The following ANKS3 variants were observed in gnomAD, a reference collection of about 807,000 sequenced individuals.
ANKS3 encodes ankyrin repeat and SAM domain-containing protein 3.
Under a neutral mutation model 80.7 loss-of-function variants are expected in ANKS3, and 62 were observed. The ratio of observed to expected loss-of-function variants is 0.77; its 90% CI spans 0.63 to 0.95. The LOEUF (loss-of-function observed/expected upper bound fraction) is 0.95, where lower values mean the gene tolerates loss of function less well. ANKS3 is among the 40% of genes least tolerant of loss of function. The pLI is 0.00. For missense variants in ANKS3, 1,150 were observed against 883.6 expected, an observed-to-expected ratio of 1.30 and a Z score of -3.82; for synonymous variants, 489 against 355.3, an observed-to-expected ratio of 1.38 and a Z score of -4.23.
intron 6 of ANKS3, 84 bp downstream of exon 6, chr16:4,724,666 A>C (rs1421066776): frequency 3.7e-6 from 5 of 1,335,782 alleles, no homozygotes; most frequent in African/African-American, 1.5e-5. Flanking sequence ...GTGCAAAGGA[A>C]AATTCTGTAA....
chr16:4,733,445 C>G (rs1180127861), intron 1 of ANKS3, among the ~76,000 whole-genome samples: 1 of 151,910 alleles, frequency 6.6e-6, no homozygotes, highest in Non-Finnish European at 1.5e-5. Context: ...GTATGAGCCA[C>G]CATGCCAGCC....
At chr16:4,701,210 C>A (rs979523062) in intron 10 of ANKS3, 76 bp from the exon 11 acceptor site, 2 of 1,598,014 alleles carry the variant, frequency 1.3e-6, no homozygotes, top group South Asian at 1.1e-5. Flanking sequence ...ACCCGCCACA[C>A]AGGGGCTTGA....
intron 9 of ANKS3, 56 bp downstream of exon 9, chr16:4,702,046 A>C: frequency 6.6e-7 from 1 of 1,515,994 alleles, no homozygotes; most frequent in South Asian, 1.3e-5. Flanking sequence ...GGATGGGCAC[A>C]CAGGAGCTCC....
At chr16:4,724,022 T>C (rs1474345270) in intron 6 of ANKS3, among the ~76,000 whole-genome samples, 1 of 152,152 alleles carries the variant, frequency 6.6e-6, no homozygotes, top group Admixed American at 6.5e-5. Context: ...ATCTCGCCAC[T>C]GAACTCCAGC....
At chr16:4,722,833 G>A (rs1274638758) in intron 6 of ANKS3, among the ~76,000 whole-genome samples, 2 of 150,228 alleles carry the variant, frequency 1.3e-5, no homozygotes, top group Admixed American at 6.7e-5. Context: ...CAGAAGAACT[G>A]CTTGAACTTG....
rs1282931829 is a variant in ANKS3 at position 4,697,117 on chromosome 16, G to A, written c.1895-13C>T. 12 of 1,612,548 alleles carry A rather than the reference G, an allele frequency of 7.4e-6. No individual in the cohort carries two copies. The highest frequency in any genetic ancestry group is 2.2e-5 in the South Asian group (2 of 90,844). ...CACAGTGCTTGCCCTGAGGAATGATGACCTTGAGCCTCTCCCGGCCAGGCT... is the reference window on the plus strand; with the variant it reads ...CACAGTGCTTGCCCTGAGGAATGATAACCTTGAGCCTCTCCCGGCCAGGCT... On this transcript the variant is annotated splice_polypyrimidine_tract_variant and intron_variant, in intron 16 of 17. Transcript: ENST00000304283.
chr16:4,726,711 G>A lies in ANKS3; in HGVS notation c.439C>T (p.His147Tyr), dbSNP rs1057519332. ...AAGAGGAACCTGACCATGTGCTGGT[G>A]CCCGGCGCTGGTACAGTGGAAGAGG... ...TALFHCTSAG[H>Y]QHMVRFLLDS... Residue 147 changes from histidine to tyrosine, a missense_variant, in exon 5 of 18, where the codon CAC (histidine) becomes TAC (tyrosine). Coordinates refer to ENST00000304283, the MANE Select transcript of ANKS3 (RefSeq NM_133450.4). The A allele has an allele frequency of 1.9e-6, 3 of 1,614,106 alleles. No homozygotes were observed. The highest frequency in any genetic ancestry group is 1.7e-5 in the Admixed American group (1 of 60,012).
intron 7 of ANKS3, among the ~76,000 whole-genome samples, chr16:4,708,700 C>T (rs966063612): frequency 6.6e-6 from 1 of 151,832 alleles, no homozygotes; most frequent in Non-Finnish European, 1.5e-5. Flanking sequence ...TTTGGGAGGC[C>T]GAGGTGGGCA....
chr16:4,710,475 A>T (rs187458419), intron 7 of ANKS3, among the ~76,000 whole-genome samples: 51 of 152,314 alleles, frequency 3.3e-4, no homozygotes, highest in African/African-American at 1.2e-3. Flanking sequence ...TGGGAGGCTG[A>T]GGCGGGTGGA....
chr16:4,698,707 T>C, intron 13 of ANKS3, 93 bp downstream of exon 13: 1 of 1,539,490 alleles, frequency 6.5e-7, no homozygotes, highest in Non-Finnish European at 8.7e-7. Flanking sequence ...TGCATCCACC[T>C]GACCCCTCCA....
At chr16:4,697,136 C>G (rs1440681880) in intron 16 of ANKS3, 32 bp from the exon 17 acceptor site, 3 of 1,606,648 alleles carry the variant, frequency 1.9e-6, no homozygotes, top group East Asian at 2.2e-5. Flanking sequence ...CCTCTCCCGG[C>G]CAGGCTCAGG....
In ANKS3 at chr16:4,698,839, C is replaced by T; in HGVS notation, c.1512G>A (p.Leu504=). ...TGGCGAGCTCCTGCATCTCAGCCTC[C>T]AGCCGGTCGGCGTAGGCCAGCTCCA... The part of the protein sequence containing the change: ...DALELAYADR[L]EAEMQELAIQ... Residue 504 remains leucine (L), a synonymous_variant, in exon 13 of 18, where the codon CTG becomes CTA. Transcript: ENST00000304283. 5 of 1,608,074 alleles carry T rather than the reference C, an allele frequency of 3.1e-6. No individual in the cohort carries two copies. The highest frequency in any genetic ancestry group is 1.1e-5 in the South Asian group (1 of 90,204).
chr16:4,700,726 A>T (rs2079851202), intron 11 of ANKS3: 2 of 663,544 alleles, frequency 3.0e-6, no homozygotes, highest in Admixed American at 2.2e-5. Flanking sequence ...CAGGGAGGCC[A>T]ACTCCAGTAT....
At chr16:4,733,913 C>G in intron 1 of ANKS3, 25 bp downstream of exon 1, 1 of 985,458 alleles carries the variant, frequency 1.0e-6, no homozygotes, top group Non-Finnish European at 1.2e-6. Context: ...GGGGCGGGTC[C>G]CTGGCCGACA....
At chr16:4,712,337 G>A (rs978444344) in intron 7 of ANKS3, among the ~76,000 whole-genome samples, 4 of 151,838 alleles carry the variant, frequency 2.6e-5, no homozygotes, top group South Asian at 2.1e-4. Context: ...CTGAGATCTC[G>A]CCACTCCAGT....
intron 7 of ANKS3, among the ~76,000 whole-genome samples, chr16:4,712,179 T>G (rs1264808221): frequency 1.3e-5 from 2 of 152,076 alleles, no homozygotes; most frequent in Non-Finnish European, 2.9e-5. Flanking sequence ...GAGACCAGCC[T>G]GGCCAACATG....
intron 7 of ANKS3, among the ~76,000 whole-genome samples, chr16:4,710,560 T>A (rs989672592): frequency 6.6e-6 from 1 of 151,960 alleles, no homozygotes; most frequent in Non-Finnish European, 1.5e-5. Flanking sequence ...AATACAAACG[T>A]AAGCTGGGCG....
At chr16:4,713,290 C>T (rs924862565) in intron 7 of ANKS3, among the ~76,000 whole-genome samples, 3 of 152,018 alleles carry the variant, frequency 2.0e-5, no homozygotes, top group African/African-American at 7.2e-5. Context: ...CAAAAGTTTG[C>T]AGAAATCCAC....
Position 4,696,979 on chromosome 16 carries a change from G to T in ANKS3, c.*11+38C>A, listed in dbSNP as rs374269814. The T allele has an allele frequency of 6.3e-6, 10 of 1,598,914 alleles. No homozygotes were observed. In the Middle Eastern group the frequency reaches 7.0e-4, roughly 112 times the overall value. On this transcript the variant is annotated intron_variant, in intron 17 of 17. Coordinates refer to ENST00000304283, the MANE Select transcript of ANKS3 (RefSeq NM_133450.4). ...TGCAGCCGCCCAGACAGGCCCTGCTGCTCCCACCACGCGGGATCCAGGCTG... is the reference window on the plus strand; with the variant it reads ...TGCAGCCGCCCAGACAGGCCCTGCTTCTCCCACCACGCGGGATCCAGGCTG...
Sources: gnomAD v4.1 joint callset for allele counts (sites outside exome capture counted in the v4.1 genomes callset) on GRCh38, gnomAD v4.1.1 for gene constraint, MANE v1.5 for transcripts, NCBI Gene and HGNC (gene_info 2026-07-23, HGNC 2026-07-21) for gene names.